TRPM3: variants seen among roughly 807,000 people sequenced by gnomAD.
TRPM3 encodes the protein long transient receptor potential channel 3.
TRPM3 carries 77 observed loss-of-function variants against 181.2 expected under a neutral mutation model. The observed-to-expected ratio is 0.42, with a 90% CI of 0.35 to 0.51. The LOEUF (loss-of-function observed/expected upper bound fraction) is 0.51. Among genes scored for constraint, TRPM3 ranks in the 20% least tolerant of loss-of-function variants. The probability of loss-of-function intolerance (pLI) is 0.01; values close to 1 mark genes in which losing one functional copy is unlikely to be tolerated. For synonymous variants in TRPM3, 745 were observed against 796.4 expected (o/e 0.94, Z 1.09); for missense variants, 1,759 against 2,196.7 (o/e 0.80, Z 3.98).
intron 6 of TRPM3, among the ~76,000 whole-genome samples, chr9:70,819,732 T>A (rs1348926338): frequency 2.0e-5 from 3 of 152,230 alleles, no homozygotes; most frequent in African/African-American, 7.2e-5. Flanking sequence ...TAGATTTCAC[T>A]TTCAAGTAGG....
rs758622802 is a variant in TRPM3 at position 71,349,968 on chromosome 9, CAT to C, written c.183+96683_183+96684del. Among the ~76,000 whole-genome samples the C allele has an allele frequency of 1.8e-3, 120 of 67,924 alleles. 2 individuals carry two copies. The highest frequency in any genetic ancestry group is 9.3e-3 in the Middle Eastern group (1 of 108). 44.6% of individuals were successfully genotyped at this position (67,924 alleles called of 152,430 possible). Reference sequence around the variant, plus strand: ...CATAATAATGATCTCATTGTAAGTGCATATATATATATATATATATATATATA... The same window carrying C: ...CATAATAATGATCTCATTGTAAGTGCATATATATATATATATATATATATA... On this transcript the variant is annotated intron_variant, in intron 1 of 24. Transcript: ENST00000357533.
intron 1 of TRPM3, among the ~76,000 whole-genome samples, chr9:71,161,405 G>GT (rs1465914424): frequency 3.9e-5 from 6 of 152,248 alleles, no homozygotes; most frequent in African/African-American, 1.4e-4. Flanking sequence ...ATTTGTGAGG[G>GT]TATGAGTATG....
chr9:71,181,272 C>G (rs1261224284), intron 1 of TRPM3, among the ~76,000 whole-genome samples: 3 of 151,850 alleles, frequency 2.0e-5, no homozygotes, highest in Non-Finnish European at 4.4e-5. Flanking sequence ...AACTTTGAGC[C>G]CTAGAAGGAA....
chr9:71,169,344 T>C (rs773525270), intron 1 of TRPM3, among the ~76,000 whole-genome samples: 20 of 152,308 alleles, frequency 1.3e-4, no homozygotes, highest in Middle Eastern at 6.8e-3. Context: ...AACAGGACTC[T>C]CAACATTGAT....
intron 1 of TRPM3, among the ~76,000 whole-genome samples, chr9:70,987,802 T>TA (rs1476108556): frequency 3.9e-5 from 6 of 152,102 alleles, no homozygotes; most frequent in Non-Finnish European, 5.9e-5. Flanking sequence ...TCAAAACTTG[T>TA]AACACTGTAT....
chr9:71,423,445 A>C (rs1163026247), intron 1 of TRPM3, among the ~76,000 whole-genome samples: 1 of 152,120 alleles, frequency 6.6e-6, no homozygotes, highest in African/African-American at 2.4e-5. Flanking sequence ...GCATTTTCTG[A>C]GTAACCATTC....
At chr9:71,381,360 A>G (rs1324370789) in intron 1 of TRPM3, among the ~76,000 whole-genome samples, 1 of 152,136 alleles carries the variant, frequency 6.6e-6, no homozygotes, top group Non-Finnish European at 1.5e-5. Flanking sequence ...TGGGTATATC[A>G]CTGGGGACCA....
chr9:71,318,366 C>T (rs1459897027), intron 1 of TRPM3, among the ~76,000 whole-genome samples: 1 of 152,024 alleles, frequency 6.6e-6, no homozygotes, highest in Non-Finnish European at 1.5e-5. Flanking sequence ...CAAATTTGTA[C>T]AGGATTTTCA....
At chr9:71,282,105 A>G (rs199871380) in intron 1 of TRPM3, among the ~76,000 whole-genome samples, 1 of 147,090 alleles carries the variant, frequency 6.8e-6, no homozygotes, top group Non-Finnish European at 1.5e-5. Flanking sequence ...AAGAAAGAAA[A>G]GAAAGAAAGA....
Position 70,925,157 on chromosome 9 carries a change from A to G in TRPM3, c.178-60646T>C, listed in dbSNP as rs561081591. On this transcript the variant is annotated intron_variant, in intron 1 of 25. Transcript: ENST00000677713. ...CAGCAGATGGTGCTGTTTTTCCAAC[A>G]TTTAAATGCTACACAGCAAATGATA... Among the ~76,000 whole-genome samples, 6 of 152,288 alleles carry G rather than the reference A, an allele frequency of 3.9e-5. 1 individual carries two copies. In the East Asian group the frequency reaches 7.7e-4, roughly 20 times the overall value.
intron 1 of TRPM3, among the ~76,000 whole-genome samples, chr9:71,198,825 C>T (rs2078577202): frequency 7.1e-6 from 1 of 140,262 alleles, no homozygotes; most frequent in Non-Finnish European, 1.6e-5. Flanking sequence ...CAAACAGGGA[C>T]AATTTGACTT....
intron 1 of TRPM3, among the ~76,000 whole-genome samples, chr9:71,045,128 G>A (rs750040610): frequency 9.3e-5 from 14 of 151,224 alleles, no homozygotes; most frequent in Non-Finnish European, 1.6e-4. Context: ...ATGGAGTCTC[G>A]CTCTGTCACC....
At chr9:71,140,117 T>C (rs2075008484) in intron 1 of TRPM3, among the ~76,000 whole-genome samples, 1 of 152,182 alleles carries the variant, frequency 6.6e-6, no homozygotes, top group Non-Finnish European at 1.5e-5. Flanking sequence ...CCTGAAATGT[T>C]GCACTAACCT....
chr9:71,235,298 T>G (rs763387718), intron 1 of TRPM3, among the ~76,000 whole-genome samples: 1 of 152,244 alleles, frequency 6.6e-6, no homozygotes, highest in African/African-American at 2.4e-5. Flanking sequence ...TCCCCAGTTA[T>G]TCTCCAGAAG....
At chr9:71,363,599 G>A (rs1358078900) in intron 1 of TRPM3, among the ~76,000 whole-genome samples, 1 of 152,114 alleles carries the variant, frequency 6.6e-6, no homozygotes, top group African/African-American at 2.4e-5. Flanking sequence ...GCCAGAACTA[G>A]AAGCTCATAA....
chr9:71,352,439 G>A (rs1588629313), intron 1 of TRPM3, among the ~76,000 whole-genome samples: 1 of 152,036 alleles, frequency 6.6e-6, no homozygotes, highest in Admixed American at 6.6e-5. Context: ...TATTGAAAAT[G>A]ATGATTCTCT....
chr9:71,186,106 T>C (rs1416162051), intron 1 of TRPM3, among the ~76,000 whole-genome samples: 6 of 152,020 alleles, frequency 3.9e-5, no homozygotes, highest in Admixed American at 1.3e-4. Context: ...CCACATAGCA[T>C]TCACCTTGTG....
intron 7 of TRPM3, among the ~76,000 whole-genome samples, chr9:70,772,994 C>T (rs779114281): frequency 2.0e-5 from 3 of 151,872 alleles, no homozygotes; most frequent in Non-Finnish European, 2.9e-5. Context: ...AGACAGAATC[C>T]GAGCTGGACT....
intron 1 of TRPM3, among the ~76,000 whole-genome samples, chr9:71,076,815 AG>A (rs1413221175): frequency 3.9e-5 from 6 of 152,222 alleles, no homozygotes; most frequent in African/African-American, 1.4e-4. Context: ...CATTAGGTAC[AG>A]TGTGATTGAG....
Sources: allele counts gnomAD v4.1 joint callset (sites outside exome capture counted in the v4.1 genomes callset), GRCh38; gene constraint gnomAD v4.1.1; transcripts MANE v1.5; gene names NCBI Gene and HGNC (gene_info 2026-07-23, HGNC 2026-07-21).